Variants in BMP5 observed in about 807,000 individuals in gnomAD.
BMP5 encodes the protein bone morphogenetic protein 5.
In BMP5, 23 loss-of-function variants were observed where a neutral mutation model predicts 46.6. The observed-to-expected ratio is 0.49, with a 90% CI of 0.35 to 0.70. BMP5 has a LOEUF of 0.70. BMP5 is among the 30% of genes least tolerant of loss of function. The pLI is 0.00. For missense variants in BMP5, 545 were observed against 565.6 expected, an observed-to-expected ratio of 0.96 and a Z score of 0.37; for synonymous variants, 204 against 191.9, an observed-to-expected ratio of 1.06 and a Z score of -0.52.
chr6:55,817,348 C>A (rs1379102772), intron 2 of BMP5, among the ~76,000 whole-genome samples: 1 of 152,130 alleles, frequency 6.6e-6, no homozygotes, highest in East Asian at 1.9e-4. Context: ...TTGGAGCCAA[C>A]CCAAATGTCC....
At chr6:55,797,268 C>T (rs545120526) in intron 2 of BMP5, among the ~76,000 whole-genome samples, 48 of 152,130 alleles carry the variant, frequency 3.2e-4, no homozygotes, top group African/African-American at 1.1e-3. Context: ...CTTATACTAC[C>T]GGGAATAGTA....
chr6:55,872,723 A>G (rs1777814459), intron 1 of BMP5, among the ~76,000 whole-genome samples: 1 of 151,824 alleles, frequency 6.6e-6, no homozygotes, highest in African/African-American at 2.4e-5. Context: ...TGTAACATAC[A>G]TATGCTTCTT....
chr6:55,867,688 T>C (rs559784769), intron 1 of BMP5, among the ~76,000 whole-genome samples: 37 of 152,302 alleles, frequency 2.4e-4, no homozygotes, highest in Admixed American at 5.9e-4. Flanking sequence ...CTTGAAATTC[T>C]TAATAATTTT....
At chr6:55,766,108 T>C (rs1235951754) in intron 4 of BMP5, among the ~76,000 whole-genome samples, 1 of 152,160 alleles carries the variant, frequency 6.6e-6, no homozygotes, top group African/African-American at 2.4e-5. Context: ...CAAAGCCTCA[T>C]TAGTTGATCA....
intron 2 of BMP5, among the ~76,000 whole-genome samples, chr6:55,797,231 A>G (rs1357214045): frequency 2.0e-5 from 3 of 152,214 alleles, no homozygotes; most frequent in Non-Finnish European, 4.4e-5. Context: ...ATTTTGAAGT[A>G]TAAAATTTCT....
At chr6:55,832,928 T>G (rs1215990951) in intron 1 of BMP5, among the ~76,000 whole-genome samples, 2 of 151,748 alleles carry the variant, frequency 1.3e-5, no homozygotes, top group Non-Finnish European at 2.9e-5. Flanking sequence ...TTGTGCAACA[T>G]AGCAAGACCC....
intron 3 of BMP5, among the ~76,000 whole-genome samples, chr6:55,779,578 C>A (rs1338166111): frequency 6.6e-6 from 1 of 152,030 alleles, no homozygotes; most frequent in African/African-American, 2.4e-5. Flanking sequence ...CACCACCCAG[C>A]ATACAGAATA....
chr6:55,821,161 G>T (rs1318029748), intron 1 of BMP5, among the ~76,000 whole-genome samples: 2 of 152,164 alleles, frequency 1.3e-5, no homozygotes, highest in Non-Finnish European at 2.9e-5. Flanking sequence ...CGGAGACAAG[G>T]CTGCTAGAAC....
intron 1 of BMP5, chr6:55,865,386 A>G (rs913529468): frequency 2.0e-6 from 1 of 499,264 alleles, no homozygotes; most frequent in Non-Finnish European, 4.0e-6. Flanking sequence ...AAAACCATGG[A>G]ATAGTTCTAG....
At chr6:55,841,454 G>T (rs1261767286) in intron 1 of BMP5, among the ~76,000 whole-genome samples, 2 of 151,888 alleles carry the variant, frequency 1.3e-5, no homozygotes, top group Non-Finnish European at 2.9e-5. Context: ...AAGTATAATG[G>T]CCCAGAGTCC....
intron 1 of BMP5, among the ~76,000 whole-genome samples, chr6:55,849,303 A>G (rs780595896): frequency 8.5e-5 from 13 of 152,184 alleles, no homozygotes; most frequent in Non-Finnish European, 1.9e-4. Flanking sequence ...AGGTGCTGAT[A>G]AAGGTCTTCT....
chr6:55,868,219 ATTT>A (rs1258705794), intron 1 of BMP5, among the ~76,000 whole-genome samples: 1 of 152,094 alleles, frequency 6.6e-6, no homozygotes, highest in East Asian at 1.9e-4. Flanking sequence ...TGATCCTGAC[ATTT>A]TAAAACTATT....
chr6:55,870,758 A>C (rs1777766776), intron 1 of BMP5, among the ~76,000 whole-genome samples: 1 of 152,146 alleles, frequency 6.6e-6, no homozygotes, highest in African/African-American at 2.4e-5. Context: ...CTTAATGATT[A>C]GGGTAAGTAG....
chr6:55,789,599 C>T (rs967500115), intron 3 of BMP5, among the ~76,000 whole-genome samples: 1 of 151,894 alleles, frequency 6.6e-6, no homozygotes, highest in Non-Finnish European at 1.5e-5. Flanking sequence ...ATGTAGGGAA[C>T]TAGAAATCTT....
intron 2 of BMP5, among the ~76,000 whole-genome samples, chr6:55,812,160 T>C (rs1261938301): frequency 6.6e-6 from 1 of 152,218 alleles, no homozygotes; most frequent in East Asian, 1.9e-4. Flanking sequence ...AATTTGGGGC[T>C]GTCAGCCTTA....
chr6:55,856,314 T>C (rs57525830), intron 1 of BMP5, among the ~76,000 whole-genome samples: 3,636 of 152,298 alleles, frequency 0.024, 126 homozygotes, highest in African/African-American at 0.082. Flanking sequence ...TTTTGGAGAA[T>C]TGTGAATACA....
At chr6:55,820,198 G>A (rs114224002) in intron 1 of BMP5, among the ~76,000 whole-genome samples, 9 of 152,160 alleles carry the variant, frequency 5.9e-5, no homozygotes, top group South Asian at 2.1e-4. Flanking sequence ...ATATGTTACC[G>A]TAACCTCCAG....
chr6:55,825,867 A>G (rs1271741232), intron 1 of BMP5, among the ~76,000 whole-genome samples: 1 of 151,912 alleles, frequency 6.6e-6, no homozygotes, highest in East Asian at 1.9e-4. Flanking sequence ...TAAGGCAAAG[A>G]TAGCATTCTC....
At chr6:55,798,352 G>A (rs1448791999) in intron 2 of BMP5, among the ~76,000 whole-genome samples, 1 of 152,080 alleles carries the variant, frequency 6.6e-6, no homozygotes, top group Non-Finnish European at 1.5e-5. Context: ...GTTTTTTTAA[G>A]GTGGGAATGT....
Sources: gnomAD v4.1 joint callset for allele counts (sites outside exome capture counted in the v4.1 genomes callset) on GRCh38, gnomAD v4.1.1 for gene constraint, MANE v1.5 for transcripts, NCBI Gene and HGNC (gene_info 2026-07-23, HGNC 2026-07-21) for gene names.